Variants in ANO3 observed in about 807,000 individuals in gnomAD.
ANO3 encodes anoctamin 3, also known as anoctamin-3.
Under a neutral mutation model 144.8 loss-of-function variants are expected in ANO3, and 99 were observed. The observed-to-expected ratio is 0.68, with a 90% CI of 0.58 to 0.81. The LOEUF (loss-of-function observed/expected upper bound fraction) is 0.81, where lower values mean the gene tolerates loss of function less well. Ranked by LOEUF, ANO3 falls within the 30% of genes least tolerant of loss-of-function variation. ANO3 has a pLI of 0.00. For missense variants in ANO3, 905 were observed against 1,202.2 expected (o/e 0.75, Z 3.66); for synonymous variants, 414 against 392.6 (o/e 1.05, Z -0.64).
At chr11:26,611,520 G>A (rs1220462820) in intron 17 of ANO3, among the ~76,000 whole-genome samples, 1 of 152,038 alleles carries the variant, frequency 6.6e-6, no homozygotes, top group East Asian at 1.9e-4. Flanking sequence ...TAGTTTTGTG[G>A]CCTAACATGT....
intron 12 of ANO3, among the ~76,000 whole-genome samples, chr11:26,552,201 C>T (rs11029613): frequency 0.024 from 3,575 of 151,990 alleles, 86 homozygotes; most frequent in Admixed American, 0.077. Context: ...CATCTTTGCC[C>T]GCTGTAAAGC....
At chr11:26,359,914 T>C (rs924634359) in intron 1 of ANO3, among the ~76,000 whole-genome samples, 1 of 151,400 alleles carries the variant, frequency 6.6e-6, no homozygotes, top group Non-Finnish European at 1.5e-5. Flanking sequence ...TTTTTATTTA[T>C]ATATAAATGT....
chr11:26,314,353 GA>G (rs1414443598), intron 1 of ANO3, among the ~76,000 whole-genome samples: 1 of 152,030 alleles, frequency 6.6e-6, no homozygotes, highest in African/African-American at 2.4e-5. Flanking sequence ...ATAAATTTGT[GA>G]AAACATTACT....
chr11:26,402,706 T>C (rs114899573), intron 1 of ANO3, among the ~76,000 whole-genome samples: 3,644 of 151,978 alleles, frequency 0.024, 152 homozygotes, highest in African/African-American at 0.083. Context: ...TGGGGACTTT[T>C]GGAGGGTGGA....
chr11:26,606,958 G>C (rs1318028242), intron 17 of ANO3, among the ~76,000 whole-genome samples: 1 of 152,122 alleles, frequency 6.6e-6, no homozygotes, highest in Non-Finnish European at 1.5e-5. Context: ...TGGCAAGGCA[G>C]GTCTGGTGGT....
At chr11:26,230,879 GT>G (rs1450520472) in intron 1 of ANO3, among the ~76,000 whole-genome samples, 95 of 124,456 alleles carry the variant, frequency 7.6e-4, no homozygotes, top group Non-Finnish European at 1.2e-3. Context: ...CTTCCCAGAA[GT>G]TTTTTTCTTT....
chr11:26,258,632 G>A (rs565880508), intron 1 of ANO3, among the ~76,000 whole-genome samples: 1 of 152,038 alleles, frequency 6.6e-6, no homozygotes, highest in African/African-American at 2.4e-5. Flanking sequence ...TTAAATTATT[G>A]CATCTCTCTC....
chr11:26,644,943 A>G (rs938559655), intron 23 of ANO3, among the ~76,000 whole-genome samples: 6 of 151,906 alleles, frequency 3.9e-5, no homozygotes, highest in African/African-American at 1.5e-4. Flanking sequence ...TATTCACTTT[A>G]TTTTGGATAA....
At chr11:26,227,158 T>C (rs1244603335) in intron 1 of ANO3, among the ~76,000 whole-genome samples, 2 of 152,320 alleles carry the variant, frequency 1.3e-5, no homozygotes, top group African/African-American at 2.4e-5. Flanking sequence ...AGTACTCCAA[T>C]GTACATATCT....
chr11:26,567,162 T>C (rs1850621795), intron 14 of ANO3: 2 of 1,361,058 alleles, frequency 1.5e-6, no homozygotes, highest in South Asian at 2.0e-5. Flanking sequence ...AGAGGCAATA[T>C]TTAAAGCCAA....
chr11:26,438,652 C>T lies in ANO3; in HGVS notation c.47-3266C>T, dbSNP rs562231652. 8.8e-5 allele frequency among the ~76,000 whole-genome samples: 13 copies of T among 147,852 alleles called. 1 individual carries two copies. The highest frequency in any genetic ancestry group is 3.2e-4 in the African/African-American group (13 of 40,088). On this transcript the variant is annotated intron_variant, in intron 1 of 26. Transcript: ENST00000256737. ...AAATAGCCAGGCATGGTGGCGGGCA[C>T]CTGCAATCCCAGCTACTCGGGGGGC...
intron 1 of ANO3, among the ~76,000 whole-genome samples, chr11:26,261,413 C>T (rs774245407): frequency 3.9e-5 from 6 of 152,114 alleles, no homozygotes; most frequent in South Asian, 2.1e-4. Flanking sequence ...GAAACATATC[C>T]GGAGAGGCTA....
At chr11:26,535,316 G>C (rs2134192252) in intron 9 of ANO3, among the ~76,000 whole-genome samples, 1 of 152,252 alleles carries the variant, frequency 6.6e-6, no homozygotes, top group East Asian at 1.9e-4. Context: ...AAATAAACTT[G>C]AGAATGTTTC....
chr11:26,199,592 A>G (rs1851653461), intron 1 of ANO3, among the ~76,000 whole-genome samples: 1 of 152,178 alleles, frequency 6.6e-6, no homozygotes, highest in African/African-American at 2.4e-5. Context: ...AGATTCTTTT[A>G]CACTCTGAGA....
intron 4 of ANO3, among the ~76,000 whole-genome samples, chr11:26,485,241 A>G (rs920721334): frequency 6.6e-6 from 1 of 152,150 alleles, no homozygotes; most frequent in Non-Finnish European, 1.5e-5. Context: ...TCTCTGCCCA[A>G]ATCTCATGTT....
chr11:26,468,902 C>T (rs1222537743), intron 4 of ANO3, among the ~76,000 whole-genome samples: 1 of 151,770 alleles, frequency 6.6e-6, no homozygotes, highest in Non-Finnish European at 1.5e-5. Context: ...CCTGAAGTAA[C>T]CTTTTATTTA....
chr11:26,465,313 T>TAGAC (rs1280786831), intron 4 of ANO3, among the ~76,000 whole-genome samples: 1 of 151,724 alleles, frequency 6.6e-6, no homozygotes, highest in Non-Finnish European at 1.5e-5. Context: ...GATAGATAGA[T>TAGAC]AGATAGTTAA....
intron 1 of ANO3, among the ~76,000 whole-genome samples, chr11:26,407,660 C>T (rs768725192): frequency 2.8e-4 from 43 of 151,778 alleles, no homozygotes; most frequent in Non-Finnish European, 1.5e-4. Flanking sequence ...GAGAGCAGAG[C>T]GATACCCTTA....
intron 13 of ANO3, 169 bp from the exon 14 acceptor site, chr11:26,559,548 CAT>C (rs746150272): frequency 3.1e-5 from 18 of 572,496 alleles, no homozygotes; most frequent in Middle Eastern, 4.8e-4. Context: ...TGAGAAAAAT[CAT>C]GTGAAATTGT....
Sources: allele counts gnomAD v4.1 joint callset (sites outside exome capture counted in the v4.1 genomes callset), GRCh38; gene constraint gnomAD v4.1.1; transcripts MANE v1.5; gene names NCBI Gene and HGNC (gene_info 2026-07-23, HGNC 2026-07-21).